Variants in MYO3B observed in about 807,000 individuals in gnomAD.
The protein encoded by MYO3B is myosin IIIB.
Under a neutral mutation model 174.6 loss-of-function variants are expected in MYO3B, and 156 were observed. The observed-to-expected ratio is 0.89, with a 90% CI of 0.78 to 1.02. The LOEUF (loss-of-function observed/expected upper bound fraction) is 1.02, where lower values mean the gene tolerates loss of function less well. Ranked by LOEUF, MYO3B falls within the 50% of genes least tolerant of loss-of-function variation. The pLI is 0.00. For synonymous variants in MYO3B, 563 were observed against 569.1 expected, an observed-to-expected ratio of 0.99 and a Z score of 0.15; for missense variants, 1,632 against 1,639.4, an observed-to-expected ratio of 1.00 and a Z score of 0.08.
chr2:170,450,434 A>G (rs1048079349), intron 23 of MYO3B, among the ~76,000 whole-genome samples: 3 of 152,202 alleles, frequency 2.0e-5, no homozygotes, highest in Non-Finnish European at 2.9e-5. Context: ...TCATTTAGCC[A>G]AAATGATAAC....
chr2:170,323,291 C>G (rs138627986), intron 7 of MYO3B, among the ~76,000 whole-genome samples: 22 of 152,298 alleles, frequency 1.4e-4, no homozygotes, highest in Admixed American at 1.0e-3. Flanking sequence ...CATACTCTAT[C>G]GCTGATCATT....
intron 16 of MYO3B, among the ~76,000 whole-genome samples, chr2:170,396,444 T>G (rs537054577): frequency 1.4e-4 from 21 of 152,130 alleles, no homozygotes; most frequent in African/African-American, 4.8e-4. Flanking sequence ...AAGGGAGAAC[T>G]AATTAACCCA....
intron 7 of MYO3B, among the ~76,000 whole-genome samples, chr2:170,281,338 T>C (rs957207586): frequency 6.6e-6 from 1 of 152,156 alleles, no homozygotes; most frequent in Non-Finnish European, 1.5e-5. Context: ...TCTAATGGCA[T>C]GTACTCTAAT....
chr2:170,491,903 A>C (rs944083189), intron 25 of MYO3B, among the ~76,000 whole-genome samples: 8 of 152,124 alleles, frequency 5.3e-5, no homozygotes, highest in Non-Finnish European at 1.2e-4. Flanking sequence ...AAAATACAAA[A>C]ATTAACCAGG....
intron 22 of MYO3B, among the ~76,000 whole-genome samples, chr2:170,416,542 A>G (rs962004115): frequency 5.3e-5 from 8 of 151,098 alleles, no homozygotes; most frequent in Admixed American, 6.6e-5. Context: ...AAAAAAAAAA[A>G]AGATACCAAC....
chr2:170,541,355 G>C (rs1048485575), intron 30 of MYO3B, among the ~76,000 whole-genome samples: 1 of 152,176 alleles, frequency 6.6e-6, no homozygotes, highest in South Asian at 2.1e-4. Context: ...CCAATGCTTA[G>C]ATACTGAAGG....
chr2:170,181,626 T>G (rs1386102064), intron 1 of MYO3B, among the ~76,000 whole-genome samples: 2 of 152,144 alleles, frequency 1.3e-5, no homozygotes, highest in Non-Finnish European at 2.9e-5. Context: ...TTGAGAGATT[T>G]TTGTTGTTGT....
intron 32 of MYO3B, among the ~76,000 whole-genome samples, chr2:170,607,937 A>G (rs973986676): frequency 5.3e-5 from 8 of 152,188 alleles, no homozygotes; most frequent in African/African-American, 1.9e-4. Flanking sequence ...GATTTGAAAG[A>G]TATGTTTTGT....
intron 8 of MYO3B, among the ~76,000 whole-genome samples, chr2:170,353,381 TC>T: frequency 6.6e-6 from 1 of 151,976 alleles, no homozygotes; most frequent in Non-Finnish European, 1.5e-5. Context: ...AGTATGGAGA[TC>T]AGTAGTTGTC....
At chr2:170,433,086 T>C (rs1187203536) in intron 22 of MYO3B, among the ~76,000 whole-genome samples, 1 of 152,164 alleles carries the variant, frequency 6.6e-6, no homozygotes, top group Admixed American at 6.5e-5. Context: ...GTGCCCTATA[T>C]AGGTGTACTG....
chr2:170,550,695 GTTGTT>G (rs2106224472), intron 32 of MYO3B, among the ~76,000 whole-genome samples: 1 of 152,302 alleles, frequency 6.6e-6, no homozygotes, highest in South Asian at 2.1e-4. Flanking sequence ...CTTTGCAGCT[GTTGTT>G]TTCCAAAGCT....
intron 23 of MYO3B, among the ~76,000 whole-genome samples, chr2:170,449,838 G>A (rs950797096): frequency 3.3e-5 from 5 of 151,782 alleles, no homozygotes; most frequent in Non-Finnish European, 5.9e-5. Context: ...AAAAGGATTC[G>A]CAATGTTTAT....
intron 22 of MYO3B, among the ~76,000 whole-genome samples, chr2:170,439,157 G>A (rs1330698652): frequency 2.7e-5 from 4 of 150,688 alleles, no homozygotes; most frequent in African/African-American, 9.7e-5. Flanking sequence ...CGGATCATGA[G>A]GTCAGGAGAT....
intron 22 of MYO3B, among the ~76,000 whole-genome samples, chr2:170,418,263 A>G (rs2094593750): frequency 6.6e-6 from 1 of 152,174 alleles, no homozygotes; most frequent in Non-Finnish European, 1.5e-5. Context: ...CATGCTCTCC[A>G]TACTCCCCTT....
chr2:170,228,121 C>A (rs1011619063), intron 6 of MYO3B, among the ~76,000 whole-genome samples: 18 of 152,104 alleles, frequency 1.2e-4, no homozygotes, highest in Non-Finnish European at 2.2e-4. Context: ...GGGTTCATAG[C>A]GTAGATGTTA....
At chr2:170,255,176 T>C (rs549365814) in intron 7 of MYO3B, among the ~76,000 whole-genome samples, 166 of 152,310 alleles carry the variant, frequency 1.1e-3, no homozygotes, top group African/African-American at 3.9e-3. Flanking sequence ...TGGGTCTCCT[T>C]GTGACCTAAC....
intron 7 of MYO3B, among the ~76,000 whole-genome samples, chr2:170,278,848 T>C (rs965801103): frequency 6.6e-6 from 1 of 152,152 alleles, no homozygotes; most frequent in Non-Finnish European, 1.5e-5. Flanking sequence ...ATTTTTTTAG[T>C]TCCCACATTG....
chr2:170,215,547 A>AATGTTTTTTT (rs1433139755), intron 5 of MYO3B, among the ~76,000 whole-genome samples: 146 of 152,354 alleles, frequency 9.6e-4, no homozygotes, highest in African/African-American at 3.3e-3. Context: ...CATTTAGTGA[A>AATGTTTTTTT]ACACTTTAAA....
chr2:170,533,429 G>A (rs1466346923), intron 30 of MYO3B, among the ~76,000 whole-genome samples: 1 of 150,192 alleles, frequency 6.7e-6, no homozygotes, highest in Admixed American at 6.6e-5. Context: ...TGGGGGTGGG[G>A]GGGGGGTGTG....
Sources: allele counts gnomAD v4.1 joint callset (sites outside exome capture counted in the v4.1 genomes callset), GRCh38; gene constraint gnomAD v4.1.1; transcripts MANE v1.5; gene names NCBI Gene and HGNC (gene_info 2026-07-23, HGNC 2026-07-21).